PBX3: variants seen among roughly 807,000 people sequenced by gnomAD.
PBX3 encodes the protein PBX homeobox 3.
A neutral mutation model predicts 48.5 loss-of-function variants in PBX3; 14 were observed. That is an observed-to-expected ratio of 0.29 (90% confidence interval 0.19 to 0.45). The LOEUF (loss-of-function observed/expected upper bound fraction) is 0.45. PBX3 is among the 20% of genes least tolerant of loss of function. The pLI is 1.00. For missense variants in PBX3, 386 were observed against 546.7 expected, an observed-to-expected ratio of 0.71 and a Z score of 2.93; for synonymous variants, 210 against 200.3, an observed-to-expected ratio of 1.05 and a Z score of -0.41.
chr9:125,880,091 C>CG (rs1280025813), intron 2 of PBX3, among the ~76,000 whole-genome samples: 1 of 152,198 alleles, frequency 6.6e-6, no homozygotes, highest in Non-Finnish European at 1.5e-5. Context: ...GTTGCCCAGG[C>CG]GGGAGTACAG....
At chr9:125,895,604 T>A (rs1008510609) in intron 2 of PBX3, among the ~76,000 whole-genome samples, 1 of 152,096 alleles carries the variant, frequency 6.6e-6, no homozygotes, top group Non-Finnish European at 1.5e-5. Flanking sequence ...CTACTAAAGC[T>A]TTTTGATGTA....
intron 2 of PBX3, among the ~76,000 whole-genome samples, chr9:125,848,098 G>C (rs1396516897): frequency 6.6e-6 from 1 of 151,978 alleles, no homozygotes; most frequent in African/African-American, 2.4e-5. Context: ...CTTACTTTGT[G>C]TGAAATATTT....
chr9:125,889,916 A>AGAGCGCCCTGAGCGGTCCC (rs1198135655), intron 2 of PBX3, among the ~76,000 whole-genome samples: 3 of 149,952 alleles, frequency 2.0e-5, no homozygotes, highest in Non-Finnish European at 4.5e-5. Flanking sequence ...GCCGCGGGGC[A>AGAGCGCCCTGAGCGGTCCC]GAGCGCCCTG....
At chr9:125,764,719 G>T (rs1189350758) in intron 2 of PBX3, among the ~76,000 whole-genome samples, 3 of 152,192 alleles carry the variant, frequency 2.0e-5, no homozygotes, top group Non-Finnish European at 4.4e-5. Flanking sequence ...TAGAGTTTTA[G>T]ATCATTGCTT....
rs537238854 is a variant in PBX3 at position 125,918,053 on chromosome 9, C to G, written c.516+2126C>G. Among the ~76,000 whole-genome samples the G allele has an allele frequency of 3.3e-5, 5 of 152,264 alleles. No individual in the cohort carries two copies. In the East Asian group the frequency reaches 5.8e-4, roughly 18 times the overall value. ...TTGTAGTATAATCCTAATTGTATAACTTTATGCTAAAATAACTATAACTAC... is the reference window on the plus strand; with the variant it reads ...TTGTAGTATAATCCTAATTGTATAAGTTTATGCTAAAATAACTATAACTAC... On this transcript the variant is annotated intron_variant, in intron 3 of 8. Transcript: ENST00000373489.
At chr9:125,827,280 A>G (rs1267372261) in intron 2 of PBX3, among the ~76,000 whole-genome samples, 2 of 152,188 alleles carry the variant, frequency 1.3e-5, no homozygotes, top group African/African-American at 2.4e-5. Context: ...TTTCAAACAC[A>G]TAGCCTTTTA....
chr9:125,902,484 G>A (rs1402986204), intron 2 of PBX3, among the ~76,000 whole-genome samples: 1 of 151,650 alleles, frequency 6.6e-6, no homozygotes, highest in African/African-American at 2.4e-5. Flanking sequence ...CACAGAGTAA[G>A]GCTTGTCTTT....
chr9:125,841,255 T>C (rs189229599), intron 2 of PBX3, among the ~76,000 whole-genome samples: 106 of 152,340 alleles, frequency 7.0e-4, no homozygotes, highest in Non-Finnish European at 7.9e-4. Context: ...TTAAACTATT[T>C]GAATAATTGG....
At chr9:125,804,004 TTATC>T (rs1838045854) in intron 2 of PBX3, among the ~76,000 whole-genome samples, 1 of 152,200 alleles carries the variant, frequency 6.6e-6, no homozygotes, top group African/African-American at 2.4e-5. Context: ...TTTGGGGTCT[TTATC>T]TAGTCTGAGT....
chr9:125,867,676 C>T (rs1460673282), intron 2 of PBX3, among the ~76,000 whole-genome samples: 2 of 144,614 alleles, frequency 1.4e-5, no homozygotes, highest in Non-Finnish European at 3.0e-5. Flanking sequence ...ACAAACAAAA[C>T]AAAATTTAGT....
intron 2 of PBX3, among the ~76,000 whole-genome samples, chr9:125,908,783 A>G (rs1352954976): frequency 6.6e-6 from 1 of 151,942 alleles, no homozygotes; most frequent in East Asian, 1.9e-4. Flanking sequence ...TAGTTGTCAT[A>G]TTTACCAGTC....
chr9:125,958,995 G>A (rs527270233), intron 5 of PBX3, among the ~76,000 whole-genome samples: 2 of 152,304 alleles, frequency 1.3e-5, no homozygotes, highest in East Asian at 3.9e-4. Flanking sequence ...GGCAAGAGGG[G>A]TGGTAATTAC....
chr9:125,772,097 C>A (rs1236620240), intron 2 of PBX3, among the ~76,000 whole-genome samples: 2 of 152,180 alleles, frequency 1.3e-5, no homozygotes, highest in African/African-American at 2.4e-5. Flanking sequence ...CAAAGTGAAT[C>A]TTTCTGTATC....
intron 5 of PBX3, among the ~76,000 whole-genome samples, chr9:125,946,485 T>G (rs1588327723): frequency 1.3e-5 from 2 of 152,064 alleles, no homozygotes; most frequent in East Asian, 3.9e-4. Flanking sequence ...GCTTAATATC[T>G]ATAATGGGGG....
At chr9:125,784,047 A>T (rs944319784) in intron 2 of PBX3, among the ~76,000 whole-genome samples, 1 of 152,140 alleles carries the variant, frequency 6.6e-6, no homozygotes, top group Admixed American at 6.5e-5. Flanking sequence ...AGCAAGTCCA[A>T]TATCTGTGCT....
At chr9:125,928,459 ATT>A (rs200023708) in intron 3 of PBX3, among the ~76,000 whole-genome samples, 8,840 of 128,668 alleles carry the variant, frequency 0.069, 646 homozygotes, top group East Asian at 0.18. Context: ...ATGTCTGAGG[ATT>A]TTTTTTTTTT....
chr9:125,929,707 G>A lies in PBX3; in HGVS notation c.569G>A (p.Arg190Lys), dbSNP rs1841672404. The A allele has an allele frequency of 6.2e-7, 1 of 1,613,670 alleles. No individual in the cohort carries two copies. Among genetic ancestry groups the A allele is most frequent in the Non-Finnish European group, 8.5e-7 (1 of 1,179,892 alleles). The change falls in exon 4 of 9, where the codon AGA (arginine) becomes AAA (lysine). Residue 190 changes from arginine (R) to lysine (K), a missense_variant. Physicochemically the swap from Arg to Lys is conservative, Grantham distance 26. Coordinates refer to ENST00000373489, the MANE Select transcript of PBX3 (RefSeq NM_006195.6). ...HVMNLLREQSRTRPISPKEIE... is the reference protein window; with the variant it reads ...HVMNLLREQSKTRPISPKEIE... Reference sequence around the variant, plus strand: ...ATGAACCTTCTCCGAGAACAGAGTAGAACACGTCCCATTTCTCCAAAAGAG... The same window carrying A: ...ATGAACCTTCTCCGAGAACAGAGTAAAACACGTCCCATTTCTCCAAAAGAG...
chr9:125,800,704 T>C (rs995876048), intron 2 of PBX3, among the ~76,000 whole-genome samples: 8 of 152,052 alleles, frequency 5.3e-5, no homozygotes, highest in Non-Finnish European at 8.8e-5. Context: ...TTCTTTCTTT[T>C]ACTTAAAGGT....
intron 2 of PBX3, among the ~76,000 whole-genome samples, chr9:125,848,822 T>C (rs1355918362): frequency 6.6e-6 from 1 of 152,006 alleles, no homozygotes; most frequent in Non-Finnish European, 1.5e-5. Context: ...CTTGCTACCA[T>C]GTACATTCTG....
Sources: gnomAD v4.1 joint callset for allele counts (sites outside exome capture counted in the v4.1 genomes callset) on GRCh38, gnomAD v4.1.1 for gene constraint, MANE v1.5 for transcripts, NCBI Gene and HGNC (gene_info 2026-07-23, HGNC 2026-07-21) for gene names.